The following PLCL2 variants were observed in gnomAD, a reference collection of about 807,000 sequenced individuals.
PLCL2 encodes the protein phospholipase C like 2.
A neutral mutation model predicts 79.6 loss-of-function variants in PLCL2; 4 were observed. The ratio of observed to expected loss-of-function variants is 0.05; its 90% CI spans 0.02 to 0.11. PLCL2 has a LOEUF of 0.11. Ranked by LOEUF, PLCL2 falls within the 10% of genes least tolerant of loss-of-function variation. The pLI is 1.00. For synonymous variants in PLCL2, 484 were observed against 457.7 expected (o/e 1.06, Z -0.73); for missense variants, 895 against 1,291.0 (o/e 0.69, Z 4.70).
At chr3:17,049,401 C>A (rs1450184842) in intron 4 of PLCL2, among the ~76,000 whole-genome samples, 1 of 152,084 alleles carries the variant, frequency 6.6e-6, no homozygotes, top group Non-Finnish European at 1.5e-5. Flanking sequence ...TCCTTGTTTG[C>A]AGATAATATG....
intron 3 of PLCL2, among the ~76,000 whole-genome samples, chr3:17,017,995 G>T (rs1250985165): frequency 6.6e-6 from 1 of 152,116 alleles, no homozygotes; most frequent in Non-Finnish European, 1.5e-5. Flanking sequence ...CTGTGGTGGG[G>T]TGAGCCTGGG....
chr3:16,992,915 C>T (rs2124997007), intron 1 of PLCL2, among the ~76,000 whole-genome samples: 1 of 152,312 alleles, frequency 6.6e-6, no homozygotes, highest in Middle Eastern at 3.4e-3. Flanking sequence ...AAGACTAAGC[C>T]AGACTTCACA....
chr3:16,980,825 C>T (rs4685416), intron 1 of PLCL2, among the ~76,000 whole-genome samples: 35,680 of 152,044 alleles, frequency 0.23, 4,517 homozygotes, highest in East Asian at 0.54. Flanking sequence ...GATCACGCCA[C>T]TGCACTCCAG....
chr3:17,014,278 A>G (rs1318056456), intron 2 of PLCL2, among the ~76,000 whole-genome samples: 2 of 152,084 alleles, frequency 1.3e-5, no homozygotes, highest in African/African-American at 4.8e-5. Flanking sequence ...CCTTGCAAAT[A>G]TTTCTTTCCC....
chr3:17,028,363 G>C (rs2064541143), intron 3 of PLCL2, among the ~76,000 whole-genome samples: 1 of 152,140 alleles, frequency 6.6e-6, no homozygotes, highest in African/African-American at 2.4e-5. Context: ...TGAGGAATGG[G>C]AAAGATGCTC....
At chr3:17,087,606 C>T (rs1276321830) in intron 5 of PLCL2, among the ~76,000 whole-genome samples, 2 of 152,034 alleles carry the variant, frequency 1.3e-5, no homozygotes, top group Non-Finnish European at 2.9e-5. Flanking sequence ...TTTTCAAAAC[C>T]CATGGAATAC....
intron 1 of PLCL2, among the ~76,000 whole-genome samples, chr3:17,005,337 C>G (rs1206332720): frequency 1.3e-5 from 2 of 151,338 alleles, no homozygotes; most frequent in African/African-American, 4.9e-5. Flanking sequence ...CACTTTGTTG[C>G]CAGCCGATGA....
At chr3:16,980,718 G>A (rs961153750) in intron 1 of PLCL2, among the ~76,000 whole-genome samples, 1 of 151,972 alleles carries the variant, frequency 6.6e-6, no homozygotes, top group Non-Finnish European at 1.5e-5. Flanking sequence ...GACGCCCCTC[G>A]CTTCCCAGAC....
In PLCL2 at chr3:16,897,960, G is replaced by T. The variant is rs369703437; in HGVS notation, c.327+12594G>T. On this transcript the variant is annotated intron_variant, in intron 1 of 5. Coordinates refer to ENST00000615277, the MANE Select transcript of PLCL2 (RefSeq NM_001144382.2). ...AACTGGACTGCACAAATTATTAGAG[G>T]TTGTCATTCCCATTTATTTTTTTAG... 2.6e-5 allele frequency among the ~76,000 whole-genome samples: 4 copies of T among 151,958 alleles called. No individual in the cohort carries two copies. In the East Asian group the frequency reaches 5.8e-4, roughly 22 times the overall value.
chr3:17,048,365 A>T (rs921451494), intron 4 of PLCL2, among the ~76,000 whole-genome samples: 1 of 152,204 alleles, frequency 6.6e-6, no homozygotes, highest in Non-Finnish European at 1.5e-5. Flanking sequence ...GTTGGCAACA[A>T]TTTGAAAAAA....
chr3:16,983,143 A>T (rs984340033), intron 1 of PLCL2, among the ~76,000 whole-genome samples: 3 of 152,214 alleles, frequency 2.0e-5, no homozygotes, highest in Non-Finnish European at 4.4e-5. Flanking sequence ...AGTGCGTATT[A>T]CCTTGTACAC....
At chr3:17,072,119 G>A (rs1222618570) in intron 5 of PLCL2, among the ~76,000 whole-genome samples, 4 of 151,996 alleles carry the variant, frequency 2.6e-5, no homozygotes, top group Admixed American at 1.3e-4. Flanking sequence ...GAGCCATCAC[G>A]CCTGACTGAT....
intron 5 of PLCL2, among the ~76,000 whole-genome samples, chr3:17,088,105 A>G (rs2065239539): frequency 6.6e-6 from 1 of 152,262 alleles, no homozygotes; most frequent in South Asian, 2.1e-4. Flanking sequence ...TCTGTAAAGC[A>G]GGAAAACCAT....
intron 5 of PLCL2, among the ~76,000 whole-genome samples, chr3:17,078,116 C>T (rs1010766268): frequency 1.3e-5 from 2 of 152,204 alleles, no homozygotes; most frequent in Non-Finnish European, 2.9e-5. Context: ...GATAAACCTC[C>T]TCTTGTATTA....
intron 1 of PLCL2, among the ~76,000 whole-genome samples, chr3:16,973,622 G>A (rs1310858148): frequency 3.3e-5 from 5 of 152,296 alleles, no homozygotes; most frequent in African/African-American, 1.2e-4. Flanking sequence ...CCTACAGTGT[G>A]ATCAGGAAGA....
At chr3:17,053,815 A>T (rs2064866824) in intron 4 of PLCL2, among the ~76,000 whole-genome samples, 1 of 152,214 alleles carries the variant, frequency 6.6e-6, no homozygotes, top group Non-Finnish European at 1.5e-5. Context: ...TGGTCCATGA[A>T]ACCATTCTTC....
At chr3:17,045,164 T>C (rs1365895227) in intron 4 of PLCL2, among the ~76,000 whole-genome samples, 1 of 152,256 alleles carries the variant, frequency 6.6e-6, no homozygotes, top group Non-Finnish European at 1.5e-5. Context: ...TCAAAGACAG[T>C]TGCATAAGAT....
intron 4 of PLCL2, among the ~76,000 whole-genome samples, chr3:17,065,733 A>G (rs2065003133): frequency 6.6e-6 from 1 of 152,190 alleles, no homozygotes; most frequent in African/African-American, 2.4e-5. Flanking sequence ...CAGTTGTAAT[A>G]TGTGGTCCTG....
At chr3:17,064,698 T>G (rs2064990559) in intron 4 of PLCL2, among the ~76,000 whole-genome samples, 1 of 152,080 alleles carries the variant, frequency 6.6e-6, no homozygotes. Context: ...GATCAGTCAT[T>G]TCTAAGTTAA....
Sources: gnomAD v4.1 joint callset for allele counts (sites outside exome capture counted in the v4.1 genomes callset) on GRCh38, gnomAD v4.1.1 for gene constraint, MANE v1.5 for transcripts, NCBI Gene and HGNC (gene_info 2026-07-23, HGNC 2026-07-21) for gene names.